RASAL2: variants seen among roughly 807,000 people sequenced by gnomAD.
The protein encoded by RASAL2 is RAS protein activator like 2, also known as ras GTPase-activating protein nGAP.
RASAL2 carries 58 observed loss-of-function variants against 128.9 expected under a neutral mutation model. That is an observed-to-expected ratio of 0.45 (90% CI 0.36 to 0.56). The LOEUF (loss-of-function observed/expected upper bound fraction) is 0.56. Ranked by LOEUF, RASAL2 falls within the 20% of genes least tolerant of loss-of-function variation. RASAL2 has a pLI of 0.00. For synonymous variants in RASAL2, 561 were observed against 580.8 expected, an observed-to-expected ratio of 0.97 and a Z score of 0.49; for missense variants, 1,360 against 1,601.6, an observed-to-expected ratio of 0.85 and a Z score of 2.57.
At chr1:178,251,821 C>T (rs1302200254) in intron 1 of RASAL2, among the ~76,000 whole-genome samples, 1 of 152,152 alleles carries the variant, frequency 6.6e-6, no homozygotes, top group Non-Finnish European at 1.5e-5. Flanking sequence ...CTTTCATCCT[C>T]ATTAATGAAT....
chr1:178,099,819 G>A lies in RASAL2; in HGVS notation c.202+5125G>A, dbSNP rs1056427386. The stretch of plus-strand genomic sequence containing the variant: ...CTACTAAAGTACAAAGAAATTAGCC[G>A]GGTGTGGTGGCATGCACCTGTAATC... On this transcript the variant is annotated intron_variant, in intron 1 of 17. Transcript: ENST00000367649. 1.2e-4 allele frequency among the ~76,000 whole-genome samples: 18 copies of A among 152,170 alleles called. No homozygotes were observed. The East Asian group carries it at 2.1e-3, about 18-fold the overall frequency.
chr1:178,416,434 T>C (rs916811664), intron 4 of RASAL2, among the ~76,000 whole-genome samples: 1 of 152,050 alleles, frequency 6.6e-6, no homozygotes. Context: ...ATATATCATA[T>C]AGACATAAGC....
chr1:178,096,737 CTT>C (rs967328415), intron 1 of RASAL2, among the ~76,000 whole-genome samples: 11 of 151,842 alleles, frequency 7.2e-5, no homozygotes, highest in Admixed American at 7.2e-4. Context: ...TGCATTGTAA[CTT>C]TTTTTGTTTT....
rs1218564659 is a variant in RASAL2 at position 178,227,826 on chromosome 1, T to C, written c.203-55738T>C. Among the ~76,000 whole-genome samples, 7 of 152,230 alleles carry C rather than the reference T, an allele frequency of 4.6e-5. No homozygotes were observed. The East Asian group carries it at 1.3e-3, about 29-fold the overall frequency. ...TTGGAAGTGGCAGAAATGTTCTTGT[T>C]CTGACATTTCAATGAGCAGCCAACT... On this transcript the variant is annotated intron_variant, in intron 1 of 17. Coordinates refer to ENST00000367649, the MANE Select transcript of RASAL2 (RefSeq NM_170692.4).
chr1:178,151,416 A>C (rs1660911674), intron 1 of RASAL2, among the ~76,000 whole-genome samples: 1 of 152,200 alleles, frequency 6.6e-6, no homozygotes. Flanking sequence ...AAAATAAAAT[A>C]AAATAAAATA....
chr1:178,141,789 G>C (rs1207313857), intron 1 of RASAL2, among the ~76,000 whole-genome samples: 1 of 152,154 alleles, frequency 6.6e-6, no homozygotes, highest in Non-Finnish European at 1.5e-5. Context: ...TTGTTTTACA[G>C]CTTTGATTCT....
chr1:178,195,509 A>G (rs1189662532), intron 1 of RASAL2, among the ~76,000 whole-genome samples: 1 of 152,172 alleles, frequency 6.6e-6, no homozygotes, highest in African/African-American at 2.4e-5. Context: ...CAATAGAATG[A>G]AGTATATAAG....
chr1:178,251,425 A>G (rs545617510), intron 1 of RASAL2, among the ~76,000 whole-genome samples: 7 of 152,332 alleles, frequency 4.6e-5, no homozygotes, highest in Admixed American at 1.3e-4. Context: ...CTCATCACTT[A>G]AGAAATGTAG....
At chr1:178,191,607 A>G (rs1662497747) in intron 1 of RASAL2, among the ~76,000 whole-genome samples, 1 of 152,140 alleles carries the variant, frequency 6.6e-6, no homozygotes, top group Non-Finnish European at 1.5e-5. Context: ...TTCAGTACAG[A>G]TTTCTGCTTA....
At chr1:178,311,566 T>C (rs1668253853) in intron 3 of RASAL2, among the ~76,000 whole-genome samples, 1 of 151,944 alleles carries the variant, frequency 6.6e-6, no homozygotes, top group Non-Finnish European at 1.5e-5. Context: ...CCCAAGTATC[T>C]TTGGATTGGG....
chr1:178,095,375 A>G (rs1474892623), intron 1 of RASAL2, among the ~76,000 whole-genome samples: 1 of 152,126 alleles, frequency 6.6e-6, no homozygotes, highest in Admixed American at 6.5e-5. Context: ...ATGAGATTCT[A>G]TTAGGGTGAG....
At chr1:178,327,721 A>T (rs1348687719) in intron 3 of RASAL2, among the ~76,000 whole-genome samples, 2 of 152,118 alleles carry the variant, frequency 1.3e-5, no homozygotes, top group African/African-American at 4.8e-5. Flanking sequence ...TACCTAGAAA[A>T]ACAGTATAGA....
chr1:178,177,659 C>G (rs1661940228), intron 1 of RASAL2, among the ~76,000 whole-genome samples: 1 of 152,170 alleles, frequency 6.6e-6, no homozygotes, highest in South Asian at 2.1e-4. Context: ...GAGGGAATAG[C>G]ATGGGAAGGT....
At chr1:178,094,717 G>C in intron 1 of RASAL2, 23 bp downstream of exon 1, 1 of 1,612,514 alleles carries the variant, frequency 6.2e-7, no homozygotes, top group South Asian at 1.1e-5. Flanking sequence ...GGCCGTCTTA[G>C]AGGCTGGTGT....
At chr1:178,282,002 A>G (rs1003533913) in intron 1 of RASAL2, among the ~76,000 whole-genome samples, 1 of 152,230 alleles carries the variant, frequency 6.6e-6, no homozygotes, top group African/African-American at 2.4e-5. Context: ...CAGTTCTAAC[A>G]TAAAATAATT....
intron 2 of RASAL2, 61 bp from the exon 3 acceptor site, chr1:178,299,931 A>T: frequency 1.3e-6 from 2 of 1,553,902 alleles, no homozygotes; most frequent in Admixed American, 1.8e-5. Flanking sequence ...CCATTATTCA[A>T]TCAGAACGTA....
At chr1:178,196,234 T>C (rs1168737308) in intron 1 of RASAL2, among the ~76,000 whole-genome samples, 1 of 152,116 alleles carries the variant, frequency 6.6e-6, no homozygotes, top group African/African-American at 2.4e-5. Flanking sequence ...TAAAAATATA[T>C]TGCCTTACGA....
chr1:178,411,868 A>G (rs762057337), intron 4 of RASAL2: 5 of 735,354 alleles, frequency 6.8e-6, no homozygotes, highest in Non-Finnish European at 1.3e-5. Context: ...AGGAGGAAAT[A>G]GGACCAAGAC....
chr1:178,191,861 CA>C (rs748095363), intron 1 of RASAL2, among the ~76,000 whole-genome samples: 1 of 152,096 alleles, frequency 6.6e-6, no homozygotes, highest in Non-Finnish European at 1.5e-5. Context: ...TGAATTGTAG[CA>C]AAATCCTGAG....
Sources: allele counts gnomAD v4.1 joint callset (sites outside exome capture counted in the v4.1 genomes callset), GRCh38; gene constraint gnomAD v4.1.1; transcripts MANE v1.5; gene names NCBI Gene and HGNC (gene_info 2026-07-23, HGNC 2026-07-21).